Variants in GMDS observed in about 807,000 individuals in gnomAD.
The protein encoded by GMDS is GDP-mannose 4,6 dehydratase.
A neutral mutation model predicts 49.9 loss-of-function variants in GMDS; 20 were observed. The observed-to-expected ratio is 0.40, with a 90% CI of 0.28 to 0.58. GMDS has a LOEUF of 0.58. GMDS is among the 20% of genes least tolerant of loss of function. The pLI, the probability that GMDS is intolerant of heterozygous loss-of-function variation, is 0.42. For synonymous variants in GMDS, 177 were observed against 178.6 expected (o/e 0.99, Z 0.07); for missense variants, 362 against 481.4 (o/e 0.75, Z 2.32).
chr6:2,029,112 T>C (rs1391060364), intron 4 of GMDS, among the ~76,000 whole-genome samples: 1 of 151,956 alleles, frequency 6.6e-6, no homozygotes, highest in Non-Finnish European at 1.5e-5. Context: ...TTTGTTAAAG[T>C]TTAATCTCTT....
At chr6:1,916,856 C>A (rs1186594319) in intron 7 of GMDS, among the ~76,000 whole-genome samples, 1 of 151,588 alleles carries the variant, frequency 6.6e-6, no homozygotes, top group African/African-American at 2.4e-5. Context: ...CTAAACCACC[C>A]ATGCCACGTC....
At chr6:1,951,485 G>A (rs1216404618) in intron 6 of GMDS, among the ~76,000 whole-genome samples, 1 of 152,080 alleles carries the variant, frequency 6.6e-6, no homozygotes, top group Non-Finnish European at 1.5e-5. Flanking sequence ...ATCCATTTGT[G>A]GCAATCTCAC....
chr6:1,666,974 T>C (rs1764257801), intron 9 of GMDS, among the ~76,000 whole-genome samples: 1 of 152,200 alleles, frequency 6.6e-6, no homozygotes, highest in South Asian at 2.1e-4. Context: ...GCTAGGACCT[T>C]CACAGTCTCC....
At chr6:2,119,707 G>A (rs1428074591) in intron 2 of GMDS, among the ~76,000 whole-genome samples, 2 of 152,106 alleles carry the variant, frequency 1.3e-5, no homozygotes, top group South Asian at 2.1e-4. Context: ...GAACCAAACT[G>A]AAAAGATAAA....
At chr6:1,999,129 C>T (rs1016100553) in intron 4 of GMDS, among the ~76,000 whole-genome samples, 1 of 152,004 alleles carries the variant, frequency 6.6e-6, no homozygotes, top group East Asian at 1.9e-4. Context: ...CGAGACCAGC[C>T]TGGCCAACAT....
chr6:1,672,897 T>C (rs974545771), intron 9 of GMDS, among the ~76,000 whole-genome samples: 1 of 152,232 alleles, frequency 6.6e-6, no homozygotes, highest in Admixed American at 6.5e-5. Context: ...AGGCATTCCC[T>C]GGTGTCCTTT....
At position 1,766,295 on chromosome 6, in the gene GMDS, C is replaced by G. The variant is rs529912258; in HGVS notation, c.772-23709G>C. 1.3e-5 allele frequency among the ~76,000 whole-genome samples: 2 copies of G among 152,142 alleles called. No homozygotes were observed. Among genetic ancestry groups the G allele is most frequent in the Admixed American group, 1.3e-4 (2 of 15,274 alleles). ...TTGGACAGGAGCAAAGACCACAGAA[C>G]TTTCGAGGCAGCAGATTCATTTGGG... On this transcript the variant is annotated intron_variant, in intron 7 of 10. Transcript: ENST00000380815. The surrounding 1 kb of genome is among the most constrained non-coding windows in gnomAD (Gnocchi z 4.5).
intron 6 of GMDS, among the ~76,000 whole-genome samples, chr6:1,937,032 G>C (rs567977168): frequency 4.6e-5 from 7 of 151,250 alleles, no homozygotes; most frequent in African/African-American, 1.7e-4. Context: ...TCCTTTATAT[G>C]GTATTTTTAC....
At chr6:1,654,717 C>T (rs1180392243) in intron 9 of GMDS, among the ~76,000 whole-genome samples, 3 of 152,090 alleles carry the variant, frequency 2.0e-5, no homozygotes, top group African/African-American at 7.2e-5. Flanking sequence ...GAACTGCACA[C>T]TTGAAAATGG....
chr6:1,973,993 G>A (rs1764759034), intron 4 of GMDS, among the ~76,000 whole-genome samples: 1 of 152,134 alleles, frequency 6.6e-6, no homozygotes, highest in Non-Finnish European at 1.5e-5. Context: ...CTGGCAAGTG[G>A]TATATCCAAG....
intron 1 of GMDS, among the ~76,000 whole-genome samples, chr6:2,137,751 G>A (rs759808118): frequency 2.2e-4 from 33 of 152,290 alleles, no homozygotes; most frequent in South Asian, 6.2e-4. Flanking sequence ...ACTCGTCCAG[G>A]ACTCCACCAA....
At chr6:1,704,965 T>C (rs1453285490) in intron 9 of GMDS, among the ~76,000 whole-genome samples, 2 of 152,220 alleles carry the variant, frequency 1.3e-5, no homozygotes, top group Non-Finnish European at 2.9e-5. Context: ...CATTTAATAG[T>C]ACTACTCATG....
intron 7 of GMDS, among the ~76,000 whole-genome samples, chr6:1,923,074 C>T (rs911046190): frequency 3.3e-5 from 5 of 152,174 alleles, no homozygotes; most frequent in Non-Finnish European, 7.4e-5. Context: ...GTAAGACGTG[C>T]CTTTCGCCTT....
At chr6:2,131,508 G>A (rs1202029378) in intron 1 of GMDS, among the ~76,000 whole-genome samples, 1 of 152,034 alleles carries the variant, frequency 6.6e-6, no homozygotes, top group African/African-American at 2.4e-5. Context: ...GTATGAAAAC[G>A]GTACACATTC....
chr6:1,790,630 T>C (rs938319489), intron 7 of GMDS, among the ~76,000 whole-genome samples: 8 of 152,214 alleles, frequency 5.3e-5, no homozygotes, highest in African/African-American at 1.7e-4. Context: ...CGGTTATATA[T>C]AGTATATATC....
chr6:2,149,320 T>C (rs1005877454), intron 1 of GMDS, among the ~76,000 whole-genome samples: 2 of 152,308 alleles, frequency 1.3e-5, no homozygotes, highest in Middle Eastern at 3.4e-3. Context: ...ACAAGGTGTA[T>C]TGACTTTTTA....
chr6:2,236,989 C>T (rs79951689), intron 1 of GMDS, among the ~76,000 whole-genome samples: 2,823 of 152,202 alleles, frequency 0.019, 42 homozygotes, highest in Non-Finnish European at 0.026. Context: ...TTTAAAAGAA[C>T]TTAGTATGAA....
At chr6:1,934,790 G>T (rs1394482927) in intron 6 of GMDS, among the ~76,000 whole-genome samples, 1 of 152,004 alleles carries the variant, frequency 6.6e-6, no homozygotes, top group Non-Finnish European at 1.5e-5. Flanking sequence ...CCATGTTACA[G>T]AAGAATGCTC....
intron 7 of GMDS, among the ~76,000 whole-genome samples, chr6:1,762,733 G>A (rs1047997403): frequency 1.3e-4 from 20 of 152,178 alleles, no homozygotes; most frequent in African/African-American, 4.6e-4. Context: ...AATGAAGCCC[G>A]ACACATTCGC....
Sources: gnomAD v4.1 joint callset for allele counts (sites outside exome capture counted in the v4.1 genomes callset) on GRCh38, gnomAD v4.1.1 for gene constraint, Gnocchi (gnomAD v3.1) non-coding constraint, MANE v1.5 for transcripts, NCBI Gene and HGNC (gene_info 2026-07-23, HGNC 2026-07-21) for gene names.